PARP16: variants seen among roughly 807,000 people sequenced by gnomAD.
PARP16 encodes the protein protein mono-ADP-ribosyltransferase PARP16.
A neutral mutation model predicts 35.0 loss-of-function variants in PARP16; 31 were observed. That is an observed-to-expected ratio of 0.88 (90% CI 0.66 to 1.19). The LOEUF (loss-of-function observed/expected upper bound fraction) is 1.19, where lower values mean the gene tolerates loss of function less well. PARP16 is among the 50% of genes most tolerant of loss of function. The probability of loss-of-function intolerance (pLI) is 0.00; values close to 1 mark genes in which losing one functional copy is unlikely to be tolerated. For missense variants in PARP16, 424 were observed against 411.2 expected (o/e 1.03, Z -0.27); for synonymous variants, 162 against 169.5 (o/e 0.96, Z 0.34).
chr15:65,269,833 T>C (rs2090038298), intron 2 of PARP16, among the ~76,000 whole-genome samples: 1 of 152,206 alleles, frequency 6.6e-6, no homozygotes, highest in South Asian at 2.1e-4. Context: ...TATTGCCTTA[T>C]CTACTTTAGC....
chr15:65,253,536 T>C (rs1474012949), downstream of PARP16, among the ~76,000 whole-genome samples: 1 of 151,778 alleles, frequency 6.6e-6, no homozygotes, highest in African/African-American at 2.4e-5. Flanking sequence ...TTCACTGTTT[T>C]AGCCGGGATG....
intron 3 of PARP16, among the ~76,000 whole-genome samples, chr15:65,239,417 C>G (rs1194615569): frequency 8.4e-5 from 2 of 23,938 alleles, no homozygotes; most frequent in African/African-American, 2.3e-4. Flanking sequence ...CAGAGCAAGA[C>G]TTTGCCTAAA....
chr15:65,259,112 GGGC>G lies in PARP16; in HGVS notation c.*292_*294del, dbSNP rs2089611914. Reference sequence around the variant, plus strand: ...GGACACTTTGTTTTTAAATGCAGCAGGGCTTTTTCCTTTGGCCCTGGCTGAAAA... The same window carrying G: ...GGACACTTTGTTTTTAAATGCAGCAGTTTTTCCTTTGGCCCTGGCTGAAAA... On this transcript the variant is annotated 3_prime_UTR_variant, in exon 6 of 6. Coordinates refer to ENST00000649807, the MANE Select transcript of PARP16 (RefSeq NM_001316943.2). 7.4e-6 allele frequency: 2 copies of G among 271,222 alleles called. No homozygotes were observed. Among genetic ancestry groups the G allele is most frequent in the Non-Finnish European group, 1.4e-5 (2 of 142,538 alleles). The allele number at this position is 271,222 out of a possible 1,614,324, so 16.8% of individuals were successfully genotyped here. A position where few individuals can be genotyped will look rare whatever the true frequency, so the allele number is the denominator to read the frequency against.
chr15:65,260,416 G>C (rs970253900), intron 5 of PARP16, among the ~76,000 whole-genome samples: 10 of 152,132 alleles, frequency 6.6e-5, no homozygotes, highest in African/African-American at 2.4e-4. Flanking sequence ...TGAGTTCAAG[G>C]CCCTCATTTT....
chr15:65,245,585 G>A (rs572656398), intron 3 of PARP16, among the ~76,000 whole-genome samples: 2 of 152,102 alleles, frequency 1.3e-5, no homozygotes, highest in Admixed American at 1.3e-4. Context: ...CTGCTTGTAT[G>A]GAAGCAGCTG....
intron 1 of PARP16, among the ~76,000 whole-genome samples, chr15:65,281,915 G>A (rs1432587017): frequency 6.6e-6 from 1 of 152,154 alleles, no homozygotes; most frequent in East Asian, 1.9e-4. Flanking sequence ...TTGTGTTATA[G>A]GTGTGTAATA....
At chr15:65,256,322 A>T (rs954825263), downstream of PARP16, among the ~76,000 whole-genome samples, 1 of 151,624 alleles carries the variant, frequency 6.6e-6, no homozygotes, top group Non-Finnish European at 1.5e-5. Context: ...CCGCTCTCCA[A>T]CCACCAGCTA....
At chr15:65,248,332 A>G (rs925147495) in intron 2 of PARP16, 14 of 454,658 alleles carry the variant, frequency 3.1e-5, no homozygotes, top group African/African-American at 2.6e-4. Context: ...ACAAATAGGC[A>G]TATGTGCTTT....
Position 65,248,845 on chromosome 15 carries a change from T to C in PARP16, c.203-617A>G, listed in dbSNP as rs567083844. Among the ~76,000 whole-genome samples, 325 of 152,310 alleles carry C rather than the reference T, an allele frequency of 2.1e-3. 3 individuals carry two copies. The highest frequency in any genetic ancestry group is 3.2e-3 in the Non-Finnish European group (219 of 68,026). ...TCCTAGGTTAGGGAAGCAGATGTTA[T>C]ACGTTGTGGGGAGCTATGCCTTCCC... On this transcript the variant is annotated intron_variant and NMD_transcript_variant, in intron 2 of 3. Coordinates refer to the PARP16 transcript ENST00000559805.
chr15:65,260,142 T>C (rs1430197167), intron 5 of PARP16, among the ~76,000 whole-genome samples: 8 of 152,142 alleles, frequency 5.3e-5, no homozygotes, highest in African/African-American at 1.9e-4. Flanking sequence ...GGAGGAGACT[T>C]TACTGGTTTA....
chr15:65,285,178 C>A (rs1353438267), intron 1 of PARP16, among the ~76,000 whole-genome samples: 1 of 146,882 alleles, frequency 6.8e-6, no homozygotes, highest in African/African-American at 2.5e-5. Context: ...ATTCTTGTTG[C>A]CCAGGCTGGA....
intron 3 of PARP16, among the ~76,000 whole-genome samples, chr15:65,246,987 G>A (rs900882932): frequency 6.8e-6 from 1 of 146,006 alleles, no homozygotes; most frequent in African/African-American, 2.4e-5. Flanking sequence ...CTGGCATCAT[G>A]CTCAACAATT....
At chr15:65,259,886 G>A (rs1360080187) in intron 5 of PARP16, among the ~76,000 whole-genome samples, 1 of 152,186 alleles carries the variant, frequency 6.6e-6, no homozygotes, top group African/African-American at 2.4e-5. Context: ...GCAGGTGGCA[G>A]GTAATTTAGC....
chr15:65,273,979 G>T (rs1021324288), intron 1 of PARP16, among the ~76,000 whole-genome samples: 1 of 151,960 alleles, frequency 6.6e-6, no homozygotes, highest in Non-Finnish European at 1.5e-5. Context: ...TGGAGACAGG[G>T]TCACGCTCTG....
Position 65,266,726 on chromosome 15 carries a change from C to T in PARP16, c.355G>A (p.Val119Ile), listed in dbSNP as rs2140886502. 1.2e-6 allele frequency: 2 copies of T among 1,614,148 alleles called. No individual in the cohort carries two copies. The highest frequency in any genetic ancestry group is 2.2e-5 in the East Asian group (1 of 44,886). ...QKLTGAPHTP[V>I]PAPDFLFEIE... ...TCAAACAGGAAGTCCGGTGCAGGAA[C>T]AGGCGTGTGAGGAGCCCCAGTCAGC... is the stretch of plus-strand genomic sequence containing the variant. The change falls in exon 3 of 6, where the codon GTT (valine) becomes ATT (isoleucine). Residue 119 changes from valine (V) to isoleucine (I), a missense_variant. By Grantham distance (29) the Val-to-Ile change is conservative. Coordinates refer to ENST00000649807, the MANE Select transcript of PARP16 (RefSeq NM_001316943.2).
intron 3 of PARP16, among the ~76,000 whole-genome samples, chr15:65,240,642 C>G (rs192452746): frequency 1.4e-4 from 22 of 151,968 alleles, no homozygotes; most frequent in African/African-American, 4.8e-4. Flanking sequence ...CAATTTTTTA[C>G]CCATTCACTT....
chr15:65,244,054 C>T (rs560622511), intron 3 of PARP16, among the ~76,000 whole-genome samples: 6 of 152,274 alleles, frequency 3.9e-5, no homozygotes, highest in South Asian at 4.1e-4. Flanking sequence ...AGCTCTTCCC[C>T]ACCTCAAGCC....
chr15:65,273,560 A>C (rs2090156794), intron 1 of PARP16, among the ~76,000 whole-genome samples: 1 of 152,038 alleles, frequency 6.6e-6, no homozygotes, highest in Non-Finnish European at 1.5e-5. Flanking sequence ...CCAGAGATTC[A>C]ATCAATAGCC....
intron 2 of PARP16, among the ~76,000 whole-genome samples, chr15:65,249,347 A>C (rs1009709104): frequency 6.6e-6 from 1 of 152,170 alleles, no homozygotes; most frequent in Non-Finnish European, 1.5e-5. Context: ...CTCCCACCCC[A>C]GGGACAGTGG....
Sources: allele counts gnomAD v4.1 joint callset (sites outside exome capture counted in the v4.1 genomes callset), GRCh38; gene constraint gnomAD v4.1.1; transcripts MANE v1.5; gene names NCBI Gene and HGNC (gene_info 2026-07-23, HGNC 2026-07-21).